The following ACER3 variants were observed in gnomAD, a reference collection of about 807,000 sequenced individuals.
The protein encoded by ACER3 is alkCDase 3.
Under a neutral mutation model 48.9 loss-of-function variants are expected in ACER3, and 16 were observed. The observed-to-expected ratio is 0.33, with a 90% CI of 0.22 to 0.50. The LOEUF (loss-of-function observed/expected upper bound fraction) is 0.50. Ranked by LOEUF, ACER3 falls within the 20% of genes least tolerant of loss-of-function variation. The pLI, the probability that ACER3 is intolerant of heterozygous loss-of-function variation, is 0.98. For missense variants in ACER3, 227 were observed against 326.0 expected, an observed-to-expected ratio of 0.70 and a Z score of 2.34; for synonymous variants, 109 against 107.8, an observed-to-expected ratio of 1.01 and a Z score of -0.07.
chr11:76,902,646 A>T (rs865855410), intron 1 of ACER3, among the ~76,000 whole-genome samples: 6 of 152,212 alleles, frequency 3.9e-5, no homozygotes, highest in Non-Finnish European at 8.8e-5. Flanking sequence ...GACACTTCAT[A>T]TAGGTCCTGT....
At chr11:76,907,171 A>G (rs559074578) in intron 1 of ACER3, among the ~76,000 whole-genome samples, 1 of 152,318 alleles carries the variant, frequency 6.6e-6, no homozygotes, top group East Asian at 1.9e-4. Flanking sequence ...CTTTAAAGTG[A>G]ATCCCTCCAA....
intron 4 of ACER3, among the ~76,000 whole-genome samples, chr11:76,976,747 C>T (rs1948454434): frequency 6.6e-6 from 1 of 152,204 alleles, no homozygotes; most frequent in South Asian, 2.1e-4. Context: ...ATCGTGTCAA[C>T]TTAATCTCCT....
At chr11:76,978,225 C>G (rs1427611356) in intron 4 of ACER3, among the ~76,000 whole-genome samples, 1 of 152,178 alleles carries the variant, frequency 6.6e-6, no homozygotes, top group Non-Finnish European at 1.5e-5. Context: ...AGCCTGAAGC[C>G]TGGGGGCCAG....
intron 6 of ACER3, among the ~76,000 whole-genome samples, chr11:76,993,674 C>T (rs562625504): frequency 2.5e-4 from 38 of 152,256 alleles, no homozygotes; most frequent in African/African-American, 6.7e-4. Flanking sequence ...CACCAGAGAC[C>T]GGTTTTGTGG....
chr11:76,918,645 ATAT>A (rs1158880079), intron 1 of ACER3, among the ~76,000 whole-genome samples: 4 of 151,998 alleles, frequency 2.6e-5, no homozygotes, highest in East Asian at 1.9e-4. Flanking sequence ...TTCTTATATA[ATAT>A]TCTATGGATC....
intron 1 of ACER3, among the ~76,000 whole-genome samples, chr11:76,904,531 A>G (rs1043047715): frequency 6.6e-6 from 1 of 152,114 alleles, no homozygotes; most frequent in African/African-American, 2.4e-5. Context: ...GTATAAAGCC[A>G]AGCTGTAACC....
At chr11:76,877,332 T>A (rs997397892) in intron 1 of ACER3, among the ~76,000 whole-genome samples, 1 of 151,948 alleles carries the variant, frequency 6.6e-6, no homozygotes, top group Non-Finnish European at 1.5e-5. Context: ...CTGGCTAGAG[T>A]CAGAACTCCA....
intron 2 of ACER3, among the ~76,000 whole-genome samples, chr11:76,955,078 C>T (rs76310682): frequency 0.11 from 16,321 of 152,168 alleles, 2,900 homozygotes; most frequent in African/African-American, 0.37. Context: ...TGAAATACCA[C>T]TTCACATCCA....
intron 1 of ACER3, among the ~76,000 whole-genome samples, chr11:76,880,912 T>A (rs1475102350): frequency 2.0e-5 from 3 of 152,054 alleles, no homozygotes; most frequent in African/African-American, 7.2e-5. Flanking sequence ...CTTTGAGACA[T>A]AATTAGTTCA....
intron 9 of ACER3, among the ~76,000 whole-genome samples, chr11:77,019,231 C>T (rs570608603): frequency 3.3e-5 from 5 of 152,242 alleles, no homozygotes; most frequent in South Asian, 2.1e-4. Flanking sequence ...GAGGCCGAGG[C>T]GGGTGGATCA....
At chr11:76,968,867 C>T (rs1352564647) in intron 3 of ACER3, among the ~76,000 whole-genome samples, 1 of 152,166 alleles carries the variant, frequency 6.6e-6, no homozygotes, top group African/African-American at 2.4e-5. Flanking sequence ...CAATACCATT[C>T]AGGACATAGG....
At chr11:76,868,540 C>T (rs7126666) in intron 1 of ACER3, among the ~76,000 whole-genome samples, 90,393 of 151,580 alleles carry the variant, frequency 0.6, 29,286 homozygotes, top group Non-Finnish European at 0.74. Flanking sequence ...ACAGAATCTC[C>T]ATCTCTCTGG....
intron 1 of ACER3, among the ~76,000 whole-genome samples, chr11:76,899,320 C>T (rs1449457467): frequency 6.6e-6 from 1 of 152,088 alleles, no homozygotes; most frequent in Non-Finnish European, 1.5e-5. Flanking sequence ...CTTTCTTCTA[C>T]GGAAAGAAAG....
rs1013028141 is a variant in ACER3 at position 76,959,201 on chromosome 11, G to A, written c.267+170G>A. On this transcript the variant is annotated intron_variant, in intron 3 of 10. Coordinates refer to ENST00000532485, the MANE Select transcript of ACER3 (RefSeq NM_018367.7). Reference sequence around the variant, plus strand: ...CTAAGTGAAGTAAAGAAATAAGCAGGTGAGTCCATAAGGAAAACAAGTACA... The same window carrying A: ...CTAAGTGAAGTAAAGAAATAAGCAGATGAGTCCATAAGGAAAACAAGTACA... 8.6e-6 allele frequency: 13 copies of A among 1,503,552 alleles called. No individual in the cohort carries two copies. In the Admixed American group the frequency reaches 2.7e-4, roughly 31 times the overall value. 93.1% of individuals were successfully genotyped at this position (1,503,552 alleles called of 1,614,324 possible).
chr11:76,920,028 TTTTG>T (rs1327920617), intron 1 of ACER3, among the ~76,000 whole-genome samples: 2 of 152,176 alleles, frequency 1.3e-5, no homozygotes, highest in African/African-American at 4.8e-5. Context: ...GGATGTTAAA[TTTTG>T]TCAATAGAGG....
chr11:76,942,603 T>G (rs1187634332), intron 2 of ACER3, among the ~76,000 whole-genome samples: 1 of 152,094 alleles, frequency 6.6e-6, no homozygotes, highest in Non-Finnish European at 1.5e-5. Flanking sequence ...TTGTTGAGGT[T>G]TTTTATGTCT....
intron 2 of ACER3, among the ~76,000 whole-genome samples, chr11:76,940,936 T>G (rs1947321821): frequency 6.6e-6 from 1 of 151,878 alleles, no homozygotes; most frequent in Admixed American, 6.6e-5. Flanking sequence ...ATTAGGCAAA[T>G]TTTGCTAAAA....
chr11:76,957,196 A>G (rs551397503), intron 2 of ACER3, among the ~76,000 whole-genome samples: 23 of 152,032 alleles, frequency 1.5e-4, no homozygotes, highest in Non-Finnish European at 3.4e-4. Context: ...CAATGACTGG[A>G]TCTTATCTTT....
At chr11:76,926,440 T>C in intron 1 of ACER3, 117 bp from the exon 2 acceptor site, 1 of 528,978 alleles carries the variant, frequency 1.9e-6, no homozygotes, top group Non-Finnish European at 3.2e-6. Context: ...GAAAATATCT[T>C]CCCAATGTCT....
Sources: gnomAD v4.1 joint callset for allele counts (sites outside exome capture counted in the v4.1 genomes callset) on GRCh38, gnomAD v4.1.1 for gene constraint, MANE v1.5 for transcripts, NCBI Gene and HGNC (gene_info 2026-07-23, HGNC 2026-07-21) for gene names.